The following NRXN3 variants were observed in gnomAD, a reference collection of about 807,000 sequenced individuals.
The protein encoded by NRXN3 is neurexin 3.
Under a neutral mutation model 137.6 loss-of-function variants are expected in NRXN3, and 32 were observed. The observed-to-expected ratio is 0.23, with a 90% CI of 0.18 to 0.31. The LOEUF is 0.31. Ranked by LOEUF, NRXN3 falls within the 10% of genes least tolerant of loss-of-function variation. The probability of loss-of-function intolerance (pLI) is 1.00; values close to 1 mark genes in which losing one functional copy is unlikely to be tolerated. For missense variants in NRXN3, 1,574 were observed against 2,062.5 expected (o/e 0.76, Z 4.59); for synonymous variants, 798 against 784.5 (o/e 1.02, Z -0.29).
intron 16 of NRXN3, among the ~76,000 whole-genome samples, chr14:79,496,117 T>C (rs1016523203): frequency 1.3e-5 from 2 of 152,022 alleles, no homozygotes; most frequent in Non-Finnish European, 2.9e-5. Flanking sequence ...GAGGAGTGCT[T>C]TTGGTAGATT....
At chr14:79,028,163 AG>A (rs1186526944) in intron 15 of NRXN3, among the ~76,000 whole-genome samples, 5 of 152,154 alleles carry the variant, frequency 3.3e-5, no homozygotes, top group African/African-American at 9.7e-5. Flanking sequence ...TGGCAGAAAC[AG>A]GACCAGAACA....
chr14:78,938,848 C>CTTTTTTTTTTTTTTTCTTTTTTT (rs2099347161), intron 10 of NRXN3, among the ~76,000 whole-genome samples: 8 of 132,012 alleles, frequency 6.1e-5, no homozygotes, highest in African/African-American at 2.0e-4. Context: ...AGTGATTTTT[C>CTTTTTTTTTTTTTTTCTTTTTTT]TTTTTTTTTT....
At chr14:79,229,531 A>G (rs1438218083) in intron 15 of NRXN3, among the ~76,000 whole-genome samples, 1 of 152,148 alleles carries the variant, frequency 6.6e-6, no homozygotes, top group African/African-American at 2.4e-5. Flanking sequence ...AGAGAAGGAA[A>G]AAGCTGAAGG....
At chr14:78,340,530 G>A (rs2082029436) in intron 4 of NRXN3, among the ~76,000 whole-genome samples, 1 of 152,114 alleles carries the variant, frequency 6.6e-6, no homozygotes, top group African/African-American at 2.4e-5. Flanking sequence ...GTTTCATCAA[G>A]GTCTCTCTCA....
intron 4 of NRXN3, among the ~76,000 whole-genome samples, chr14:78,312,887 T>C (rs2078140301): frequency 3.3e-5 from 5 of 152,124 alleles, no homozygotes; most frequent in Admixed American, 3.3e-4. Context: ...AATAAATAAG[T>C]GTGTTTTCTA....
intron 14 of NRXN3, among the ~76,000 whole-genome samples, chr14:78,986,603 T>A (rs898360523): frequency 5.3e-5 from 8 of 152,154 alleles, no homozygotes; most frequent in Non-Finnish European, 8.8e-5. Context: ...TATTAACATA[T>A]GAAAGACACA....
intron 3 of NRXN3, among the ~76,000 whole-genome samples, chr14:78,290,631 C>T (rs1001752070): frequency 6.6e-6 from 1 of 151,942 alleles, no homozygotes; most frequent in Non-Finnish European, 1.5e-5. Flanking sequence ...AGAGTGAGAC[C>T]TTGTCTCAAA....
chr14:79,738,738 T>TA (rs1023673604), intron 19 of NRXN3, among the ~76,000 whole-genome samples: 1 of 152,058 alleles, frequency 6.6e-6, no homozygotes, highest in Non-Finnish European at 1.5e-5. Context: ...TTTGTATTTT[T>TA]AATAGAGACA....
chr14:79,749,657 C>T (rs1168281939), intron 19 of NRXN3, among the ~76,000 whole-genome samples: 1 of 152,104 alleles, frequency 6.6e-6, no homozygotes, highest in Admixed American at 6.6e-5. Context: ...TGCCTGTTGC[C>T]TCACATTGGA....
intron 10 of NRXN3, among the ~76,000 whole-genome samples, chr14:78,891,053 T>C (rs1380675954): frequency 6.6e-6 from 1 of 151,974 alleles, no homozygotes; most frequent in Non-Finnish European, 1.5e-5. Flanking sequence ...CATTTGTTAA[T>C]TTTGTCTGGC....
chr14:79,000,691 C>T (rs2099539630), intron 15 of NRXN3, among the ~76,000 whole-genome samples: 1 of 152,126 alleles, frequency 6.6e-6, no homozygotes, highest in African/African-American at 2.4e-5. Flanking sequence ...ACATCAGTGC[C>T]CTGCTGCTGG....
At chr14:78,845,736 A>T (rs926440381) in intron 10 of NRXN3, among the ~76,000 whole-genome samples, 1 of 152,004 alleles carries the variant, frequency 6.6e-6, no homozygotes, top group Non-Finnish European at 1.5e-5. Flanking sequence ...TGCGTGTAAG[A>T]TCTCACACTT....
At chr14:78,180,514 A>T (rs2059716113) in intron 1 of NRXN3, among the ~76,000 whole-genome samples, 1 of 152,196 alleles carries the variant, frequency 6.6e-6, no homozygotes, top group African/African-American at 2.4e-5. Flanking sequence ...ACAGGTGAGG[A>T]AAGTGGAGCT....
intron 4 of NRXN3, among the ~76,000 whole-genome samples, chr14:78,634,927 G>A (rs1297259580): frequency 6.6e-6 from 1 of 152,076 alleles, no homozygotes. Flanking sequence ...ATTCTGGGCT[G>A]AAGGAAGGAC....
At chr14:79,591,412 G>A (rs7149260) in intron 16 of NRXN3, among the ~76,000 whole-genome samples, 52,829 of 151,966 alleles carry the variant, frequency 0.35, 9,808 homozygotes, top group African/African-American at 0.47. Flanking sequence ...TAAAATATCC[G>A]TACAAAGAGT....
intron 16 of NRXN3, among the ~76,000 whole-genome samples, chr14:79,566,041 TG>T (rs1341479614): frequency 1.3e-5 from 2 of 152,096 alleles, no homozygotes; most frequent in East Asian, 1.9e-4. Context: ...AATCTTTTTC[TG>T]GGGGGCAGGA....
At chr14:78,901,459 T>G (rs1014244424) in intron 10 of NRXN3, among the ~76,000 whole-genome samples, 1 of 152,048 alleles carries the variant, frequency 6.6e-6, no homozygotes, top group Non-Finnish European at 1.5e-5. Context: ...TCAGACATCT[T>G]TCTGATGTCA....
At chr14:79,162,041 G>A (rs2060823169) in intron 15 of NRXN3, among the ~76,000 whole-genome samples, 1 of 151,504 alleles carries the variant, frequency 6.6e-6, no homozygotes, top group Admixed American at 6.6e-5. Flanking sequence ...TCAAAGGGGG[G>A]TTTGAATAGT....
chr14:78,342,387 G>A (rs1016663011), intron 4 of NRXN3, among the ~76,000 whole-genome samples: 4 of 152,150 alleles, frequency 2.6e-5, no homozygotes, highest in Non-Finnish European at 5.9e-5. Context: ...GCCACATTTC[G>A]TGGCCCTCTG....
Sources: allele counts gnomAD v4.1 joint callset (sites outside exome capture counted in the v4.1 genomes callset), GRCh38; gene constraint gnomAD v4.1.1; transcripts MANE v1.5; gene names NCBI Gene and HGNC (gene_info 2026-07-23, HGNC 2026-07-21).